Variants in CR1L observed in about 807,000 individuals in gnomAD.
The protein encoded by CR1L is complement C3b/C4b receptor 1 like, also known as complement component receptor 1-like protein.
Under a neutral mutation model 62.3 loss-of-function variants are expected in CR1L, and 59 were observed. The ratio of observed to expected loss-of-function variants is 0.95; its 90% CI spans 0.77 to 1.18. The LOEUF is 1.18. Among genes scored for constraint, CR1L ranks in the 50% most tolerant of loss-of-function variants. The pLI is 0.00. For synonymous variants in CR1L, 279 were observed against 248.7 expected (o/e 1.12, Z -1.15); for missense variants, 700 against 702.8 (o/e 1.00, Z 0.04).
In CR1L at chr1:207,645,298, C is replaced by T. The variant is rs376112629; in HGVS notation, c.65C>T (p.Ala22Val). 6.2e-7 allele frequency: 1 copy of T among 1,613,982 alleles called. No individual in the cohort carries two copies. The highest frequency in any genetic ancestry group is 8.5e-7 in the Non-Finnish European group (1 of 1,180,020). ...CGGCGCTTTCCTGGGTTGCTTCTGG[C>T]GGCCCTGGTGTTGCTGCTGTCCTCC... ...PSRRFPGLLL[A>V]ALVLLLSSFS... Residue 22 changes from alanine (A) to valine (V), a missense_variant, in exon 1 of 12, where the codon GCG (alanine) becomes GTG (valine). Coordinates refer to ENST00000508064, the MANE Select transcript of CR1L (RefSeq NM_175710.2).
chr1:207,668,521 G>T (rs919457065), intron 1 of CR1L, among the ~76,000 whole-genome samples: 1 of 150,994 alleles, frequency 6.6e-6, no homozygotes. Flanking sequence ...GGGGTAGGGA[G>T]AGACAATGGG....
chr1:207,683,136 C>A (rs549909462), intron 3 of CR1L, among the ~76,000 whole-genome samples: 1 of 150,066 alleles, frequency 6.7e-6, no homozygotes, highest in South Asian at 2.1e-4. Context: ...CTCTCTCTAC[C>A]CCGCCCCTTT....
intron 11 of CR1L, among the ~76,000 whole-genome samples, chr1:207,720,600 C>T (rs554250797): frequency 1.3e-5 from 2 of 152,116 alleles, no homozygotes; most frequent in Non-Finnish European, 2.9e-5. Flanking sequence ...ACATCAGAGG[C>T]CTGATTCATT....
intron 7 of CR1L, among the ~76,000 whole-genome samples, chr1:207,698,894 G>A (rs1279711643): frequency 6.6e-6 from 1 of 152,172 alleles, no homozygotes; most frequent in African/African-American, 2.4e-5. Context: ...TAATGACAAT[G>A]AGTAATCAGT....
chr1:207,701,441 A>G, intron 8 of CR1L, 78 bp from the exon 9 acceptor site: 2 of 1,555,066 alleles, frequency 1.3e-6, no homozygotes, highest in Non-Finnish European at 1.8e-6. Context: ...TCAGGAAGCT[A>G]CATGCAGGTT....
chr1:207,715,248 T>G, intron 10 of CR1L: 1 of 959,058 alleles, frequency 1.0e-6, no homozygotes, highest in Non-Finnish European at 1.6e-6. Context: ...CATCTATTAG[T>G]GAAGAAATCA....
intron 1 of CR1L, among the ~76,000 whole-genome samples, chr1:207,666,742 A>G (rs1001026976): frequency 8.5e-5 from 13 of 152,226 alleles, no homozygotes; most frequent in Non-Finnish European, 1.5e-5. Flanking sequence ...AGGAAAAATA[A>G]CTAATGGTAC....
chr1:207,664,749 A>G (rs960453794), intron 1 of CR1L, among the ~76,000 whole-genome samples: 3 of 152,240 alleles, frequency 2.0e-5, no homozygotes, highest in Non-Finnish European at 4.4e-5. Flanking sequence ...AAGAGAAACT[A>G]CAGGGGTATT....
At position 207,678,206 on chromosome 1, in the gene CR1L, T is replaced by C. The variant is rs1663731238; in HGVS notation, c.286T>C (p.Cys96Arg). The C allele has an allele frequency of 1.9e-6, 3 of 1,613,518 alleles. No individual in the cohort carries two copies. The highest frequency in any genetic ancestry group is 1.7e-5 in the Admixed American group (1 of 59,982). ...CTGTTTCTTTCCTGTAGGTAAATCA[T>C]GTCGTAATCCTCCAGATCCTGTGAA... is the stretch of plus-strand genomic sequence containing the variant. ...SAKDKCKRKS[C>R]RNPPDPVNGM... The change falls in exon 3 of 12, where the codon TGT becomes CGT. Residue 96 changes from cysteine to arginine, a missense_variant. Coordinates refer to ENST00000508064, the MANE Select transcript of CR1L (RefSeq NM_175710.2).
chr1:207,669,430 A>C (rs1487789049), intron 1 of CR1L: 16 of 1,287,758 alleles, frequency 1.2e-5, no homozygotes, highest in South Asian at 3.5e-5. Flanking sequence ...TGGTTTGTAG[A>C]TGTGCTTCGG....
At chr1:207,673,671 G>A (rs1663646900) in intron 1 of CR1L, among the ~76,000 whole-genome samples, 1 of 152,210 alleles carries the variant, frequency 6.6e-6, no homozygotes, top group South Asian at 2.1e-4. Context: ...CAAACCAAGT[G>A]TTGGCAATAA....
At chr1:207,714,218 G>A (rs545211882) in intron 10 of CR1L, among the ~76,000 whole-genome samples, 57 of 152,340 alleles carry the variant, frequency 3.7e-4, no homozygotes, top group African/African-American at 1.3e-3. Flanking sequence ...TGGTTCTGGA[G>A]CCTTTATGGA....
chr1:207,692,163 C>G (rs1415609822), intron 4 of CR1L, among the ~76,000 whole-genome samples: 1 of 152,208 alleles, frequency 6.6e-6, no homozygotes, highest in Non-Finnish European at 1.5e-5. Flanking sequence ...ACAGAGAAAC[C>G]TTTAGGCTGA....
At chr1:207,657,421 C>G in intron 1 of CR1L, 1 of 603,442 alleles carries the variant, frequency 1.7e-6, no homozygotes, top group Non-Finnish European at 3.0e-6. Flanking sequence ...GCTTCCTCCT[C>G]CTGTGTAATT....
intron 3 of CR1L, among the ~76,000 whole-genome samples, chr1:207,682,996 C>CTT (rs1392344938): frequency 1.2e-3 from 155 of 133,218 alleles, no homozygotes; most frequent in Non-Finnish European, 2.1e-3. Flanking sequence ...TTCTTTTTTT[C>CTT]TTTCTTTCTT....
intron 3 of CR1L, among the ~76,000 whole-genome samples, chr1:207,682,866 A>G (rs1246768124): frequency 6.6e-6 from 1 of 152,202 alleles, no homozygotes; most frequent in African/African-American, 2.4e-5. Flanking sequence ...AGACATACTA[A>G]TTGAGAATTG....
chr1:207,718,073 G>T (rs1159055476), intron 11 of CR1L, among the ~76,000 whole-genome samples: 1 of 152,222 alleles, frequency 6.6e-6, no homozygotes. Context: ...TGCGCAAAAA[G>T]TACATGATGA....
intron 1 of CR1L, among the ~76,000 whole-genome samples, chr1:207,660,640 T>C (rs1185220616): frequency 6.6e-6 from 1 of 152,218 alleles, no homozygotes; most frequent in Non-Finnish European, 1.5e-5. Flanking sequence ...ATGTCTCTAT[T>C]TCCTTCAGTT....
intron 3 of CR1L, among the ~76,000 whole-genome samples, chr1:207,679,682 C>T (rs990422537): frequency 4.6e-5 from 7 of 152,176 alleles, no homozygotes; most frequent in African/African-American, 1.7e-4. Flanking sequence ...ATTGCCAAAA[C>T]TTGGAAGCAA....
Sources: allele counts gnomAD v4.1 joint callset (sites outside exome capture counted in the v4.1 genomes callset), GRCh38; gene constraint gnomAD v4.1.1; transcripts MANE v1.5; gene names NCBI Gene and HGNC (gene_info 2026-07-23, HGNC 2026-07-21).